PID1: variants seen among roughly 807,000 people sequenced by gnomAD.
The protein encoded by PID1 is PTB-containing, cubilin and LRP1-interacting protein.
PID1 carries 10 observed loss-of-function variants against 19.1 expected under a neutral mutation model. That is an observed-to-expected ratio of 0.52 (90% CI 0.32 to 0.89). The LOEUF (loss-of-function observed/expected upper bound fraction) is 0.89. PID1 is among the 40% of genes least tolerant of loss of function. PID1 has a pLI of 0.03. For missense variants in PID1, 248 were observed against 285.3 expected (o/e 0.87, Z 0.94); for synonymous variants, 130 against 116.0 (o/e 1.12, Z -0.78).
intron 2 of PID1, among the ~76,000 whole-genome samples, chr2:229,088,045 T>C (rs1694803615): frequency 6.6e-6 from 1 of 152,176 alleles, no homozygotes; most frequent in Non-Finnish European, 1.5e-5. Context: ...TCTTGTTCCA[T>C]GTGGTCTCTA....
At chr2:229,058,466 T>A (rs1449440160) in intron 2 of PID1, among the ~76,000 whole-genome samples, 1 of 152,172 alleles carries the variant, frequency 6.6e-6, no homozygotes, top group African/African-American at 2.4e-5. Flanking sequence ...TCCGGCTACA[T>A]GAAGGTTCAA....
chr2:229,161,720 A>G (rs16825792), intron 1 of PID1, among the ~76,000 whole-genome samples: 2,737 of 152,300 alleles, frequency 0.018, 79 homozygotes, highest in African/African-American at 0.059. Flanking sequence ...GTACTGCCAA[A>G]TGAAATGAAT....
At chr2:229,196,394 TAATC>T (rs1691379184) in intron 1 of PID1, among the ~76,000 whole-genome samples, 1 of 152,100 alleles carries the variant, frequency 6.6e-6, no homozygotes, top group South Asian at 2.1e-4. Context: ...TTTTCAAAGA[TAATC>T]AAAGAATCTA....
chr2:229,226,797 C>T (rs73998597), intron 1 of PID1, among the ~76,000 whole-genome samples: 5,391 of 152,168 alleles, frequency 0.035, 273 homozygotes, highest in African/African-American at 0.12. Context: ...CATTTCATGA[C>T]GGAAAAATGC....
chr2:229,175,363 A>C (rs1466055387), intron 1 of PID1, among the ~76,000 whole-genome samples: 1 of 152,214 alleles, frequency 6.6e-6, no homozygotes, highest in East Asian at 1.9e-4. Context: ...ACACTGAGTA[A>C]ACAAGAAATT....
intron 2 of PID1, among the ~76,000 whole-genome samples, chr2:229,034,367 A>G (rs1449742860): frequency 6.6e-6 from 1 of 152,198 alleles, no homozygotes; most frequent in Admixed American, 6.5e-5. Flanking sequence ...TAATAATTCC[A>G]TAAGGTATGT....
At chr2:229,250,788 A>G (rs550183331) in intron 1 of PID1, among the ~76,000 whole-genome samples, 9 of 152,278 alleles carry the variant, frequency 5.9e-5, no homozygotes, top group Non-Finnish European at 1.3e-4. Context: ...AATGATGATG[A>G]AGACCCTCAT....
chr2:229,048,627 G>A (rs1693930787), intron 2 of PID1, among the ~76,000 whole-genome samples: 1 of 152,190 alleles, frequency 6.6e-6, no homozygotes. Flanking sequence ...GTAGGCTGCA[G>A]CTCTGGTGGG....
chr2:229,102,391 A>C (rs1055534579), intron 2 of PID1, among the ~76,000 whole-genome samples: 13 of 152,234 alleles, frequency 8.5e-5, no homozygotes, highest in African/African-American at 2.4e-4. Flanking sequence ...CAGCAAGAAG[A>C]AGCTATTGTT....
chr2:229,231,261 A>C (rs1692200020), intron 1 of PID1, among the ~76,000 whole-genome samples: 2 of 152,080 alleles, frequency 1.3e-5, no homozygotes, highest in Non-Finnish European at 2.9e-5. Flanking sequence ...AGGTCTAGTC[A>C]AGTAAAGCAC....
At chr2:229,206,277 A>G (rs1282884041) in intron 1 of PID1, among the ~76,000 whole-genome samples, 1 of 151,664 alleles carries the variant, frequency 6.6e-6, no homozygotes, top group Non-Finnish European at 1.5e-5. Flanking sequence ...AACCCCAAAG[A>G]TCCTAGCAAC....
At chr2:229,130,262 C>A (rs1007285162) in intron 2 of PID1, among the ~76,000 whole-genome samples, 1 of 152,148 alleles carries the variant, frequency 6.6e-6, no homozygotes, top group Non-Finnish European at 1.5e-5. Context: ...ATGCTGCAGA[C>A]ACCCGTCCTT....
chr2:229,145,044 ACTTGTTCTCACATTTGGTTCC>A (rs2106184761), intron 2 of PID1, among the ~76,000 whole-genome samples: 1 of 151,520 alleles, frequency 6.6e-6, no homozygotes, highest in South Asian at 2.1e-4. Flanking sequence ...TAGCAGGTAG[ACTTGTTCTCACATTTGGTTCC>A]CTCAGTACAG....
At chr2:229,161,441 T>C (rs1000681148) in intron 1 of PID1, among the ~76,000 whole-genome samples, 1 of 152,194 alleles carries the variant, frequency 6.6e-6, no homozygotes, top group Non-Finnish European at 1.5e-5. Context: ...GAATTGGGTG[T>C]CTGATCCTTG....
chr2:229,247,428 GC>G (rs1368667100), intron 1 of PID1, among the ~76,000 whole-genome samples: 12 of 152,148 alleles, frequency 7.9e-5, no homozygotes, highest in African/African-American at 2.7e-4. Flanking sequence ...CATGCATCCT[GC>G]CTGTAAGATA....
At chr2:229,074,843 A>G (rs1694526144) in intron 2 of PID1, among the ~76,000 whole-genome samples, 1 of 152,180 alleles carries the variant, frequency 6.6e-6, no homozygotes, top group Non-Finnish European at 1.5e-5. Flanking sequence ...AGGTGATTTG[A>G]GCTTGCTGTT....
intron 2 of PID1, among the ~76,000 whole-genome samples, chr2:229,088,047 TG>T (rs1694803860): frequency 6.6e-6 from 1 of 152,140 alleles, no homozygotes; most frequent in Non-Finnish European, 1.5e-5. Context: ...TTGTTCCATG[TG>T]GTCTCTAAGA....
intron 1 of PID1, among the ~76,000 whole-genome samples, chr2:229,190,163 G>A (rs1269992907): frequency 6.6e-6 from 1 of 152,028 alleles, no homozygotes; most frequent in Non-Finnish European, 1.5e-5. Flanking sequence ...TCCCCTCTAC[G>A]GCAACGGCAT....
rs1310179206 is a variant in PID1, at chr2:229,025,529, T to C, written c.*103A>G. 3 of 817,584 alleles carry C rather than the reference T, an allele frequency of 3.7e-6. No homozygotes were observed. The highest frequency in any genetic ancestry group is 2.5e-5 in the East Asian group (1 of 40,774). The allele number at this position is 817,584 out of a possible 1,614,324, so 50.6% of individuals were successfully genotyped here. A position where few individuals can be genotyped will look rare whatever the true frequency, so the allele number is the denominator to read the frequency against. On this transcript the variant is annotated 3_prime_UTR_variant, in exon 3 of 3. Transcript: ENST00000392055. ...GAATTTAAAAACCTTGGTCAGCCAA[T>C]AGTTTGGCAGTCTTTTCATCCCAAA... is the stretch of plus-strand genomic sequence containing the variant.
Sources: gnomAD v4.1 joint callset for allele counts (sites outside exome capture counted in the v4.1 genomes callset) on GRCh38, gnomAD v4.1.1 for gene constraint, MANE v1.5 for transcripts, NCBI Gene and HGNC (gene_info 2026-07-23, HGNC 2026-07-21) for gene names.